PCDH15: variants seen among roughly 807,000 people sequenced by gnomAD.
The protein encoded by PCDH15 is protocadherin related 15.
A neutral mutation model predicts 178.5 loss-of-function variants in PCDH15; 129 were observed. The ratio of observed to expected loss-of-function variants is 0.72; its 90% confidence interval spans 0.63 to 0.84. The LOEUF (loss-of-function observed/expected upper bound fraction) is 0.84. Among genes scored for constraint, PCDH15 ranks in the 40% least tolerant of loss-of-function variants. The pLI is 0.00. For missense variants in PCDH15, 2,230 were observed against 2,099.9 expected (o/e 1.06, Z -1.21); for synonymous variants, 800 against 732.0 (o/e 1.09, Z -1.50).
intron 2 of PCDH15, among the ~76,000 whole-genome samples, chr10:55,374,419 C>A (rs1845574696): frequency 6.6e-6 from 1 of 152,052 alleles, no homozygotes; most frequent in Admixed American, 6.6e-5. Flanking sequence ...CAGTGCTTGA[C>A]TGAATTATGT....
intron 2 of PCDH15, among the ~76,000 whole-genome samples, chr10:55,089,080 G>A (rs1346274675): frequency 6.6e-6 from 1 of 152,090 alleles, no homozygotes; most frequent in African/African-American, 2.4e-5. Flanking sequence ...AAGAGGTTAA[G>A]AGCTTTGAAT....
At chr10:55,329,027 T>TG (rs1844122864) in intron 2 of PCDH15, among the ~76,000 whole-genome samples, 1 of 123,298 alleles carries the variant, frequency 8.1e-6, no homozygotes, top group African/African-American at 3.2e-5. Context: ...GTGTGTGTGT[T>TG]TGTGTGTGTG....
At chr10:54,966,188 AT>A (rs869073594) in intron 2 of PCDH15, among the ~76,000 whole-genome samples, 2 of 152,022 alleles carry the variant, frequency 1.3e-5, no homozygotes, top group Non-Finnish European at 2.9e-5. Context: ...TTACTAAGTA[AT>A]TTTTTTAAAA....
intron 2 of PCDH15, among the ~76,000 whole-genome samples, chr10:54,928,434 G>C (rs771639585): frequency 2.6e-5 from 4 of 152,040 alleles, no homozygotes; most frequent in Non-Finnish European, 4.4e-5. Flanking sequence ...GATCTTTTGT[G>C]AAGTATTTTA....
intron 3 of PCDH15, among the ~76,000 whole-genome samples, chr10:54,526,285 A>G (rs2083355134): frequency 6.6e-6 from 1 of 152,206 alleles, no homozygotes; most frequent in Non-Finnish European, 1.5e-5. Context: ...AAATTTGCTT[A>G]GGAAAACTAA....
At chr10:54,515,464 G>A (rs1434083655) in intron 3 of PCDH15, among the ~76,000 whole-genome samples, 1 of 152,196 alleles carries the variant, frequency 6.6e-6, no homozygotes, top group Admixed American at 6.5e-5. Context: ...TGTTTGATTA[G>A]GTAAACAAAG....
chr10:53,933,035 C>T (rs934392611), intron 25 of PCDH15, among the ~76,000 whole-genome samples: 14 of 152,000 alleles, frequency 9.2e-5, no homozygotes, highest in African/African-American at 2.4e-4. Context: ...ACTTCCACCA[C>T]GATTATAAGC....
chr10:54,334,966 A>T (rs1478450741), intron 6 of PCDH15, among the ~76,000 whole-genome samples: 1 of 151,872 alleles, frequency 6.6e-6, no homozygotes, highest in South Asian at 2.1e-4. Flanking sequence ...TCTGTGTTTT[A>T]GTTCCAATAA....
At chr10:53,970,268 A>G (rs2089530645) in intron 21 of PCDH15, among the ~76,000 whole-genome samples, 1 of 152,182 alleles carries the variant, frequency 6.6e-6, no homozygotes, top group African/African-American at 2.4e-5. Flanking sequence ...AAAGAAGGCC[A>G]TTACATAATG....
intron 3 of PCDH15, among the ~76,000 whole-genome samples, chr10:54,408,249 A>G (rs1040308950): frequency 2.0e-5 from 3 of 151,900 alleles, no homozygotes; most frequent in Non-Finnish European, 2.9e-5. Flanking sequence ...TTTGAAGGTG[A>G]CAATGTTATC....
rs530774053 is a variant in PCDH15, at chr10:55,542,581, A to T, written c.-156+85044T>A. On this transcript the variant is annotated intron_variant, in intron 2 of 5. Coordinates refer to the PCDH15 transcript ENST00000613346. ...TGTATATACACATATATACATATGTATGTGTCTATATAGGTACATACAGAC... is the reference window on the plus strand; with the variant it reads ...TGTATATACACATATATACATATGTTTGTGTCTATATAGGTACATACAGAC... Among the ~76,000 whole-genome samples the T allele has an allele frequency of 3.3e-5, 5 of 149,962 alleles. No homozygotes were observed. In the South Asian group the frequency reaches 6.3e-4, roughly 19 times the overall value.
chr10:54,296,181 G>A (rs58170582), intron 8 of PCDH15, among the ~76,000 whole-genome samples: 37,401 of 139,458 alleles, frequency 0.27, 6,218 homozygotes, highest in Middle Eastern at 0.39. Flanking sequence ...TGGTTGGCAC[G>A]GCCACTGGAA....
chr10:54,576,064 A>G (rs1324200160), intron 2 of PCDH15, among the ~76,000 whole-genome samples: 1 of 152,156 alleles, frequency 6.6e-6, no homozygotes, highest in African/African-American at 2.4e-5. Flanking sequence ...CAAACAAACA[A>G]ACAAGCTCTA....
chr10:55,536,032 C>T (rs1189723047), intron 2 of PCDH15, among the ~76,000 whole-genome samples: 1 of 152,004 alleles, frequency 6.6e-6, no homozygotes, highest in Non-Finnish European at 1.5e-5. Context: ...CTGAAAGCAA[C>T]TATGAGTTCA....
chr10:53,882,422 G>C (rs1279633003), intron 26 of PCDH15, among the ~76,000 whole-genome samples: 1 of 152,112 alleles, frequency 6.6e-6, no homozygotes, highest in African/African-American at 2.4e-5. Flanking sequence ...GACTCTGCTG[G>C]ACTTCGTCGC....
chr10:55,081,621 C>A (rs113528788), intron 2 of PCDH15, among the ~76,000 whole-genome samples: 1 of 152,102 alleles, frequency 6.6e-6, no homozygotes, highest in Non-Finnish European at 1.5e-5. Flanking sequence ...ATAAAGGATG[C>A]CTGAGAGAGC....
chr10:54,871,516 A>G (rs1166957750), intron 3 of PCDH15, among the ~76,000 whole-genome samples: 1 of 152,138 alleles, frequency 6.6e-6, no homozygotes, highest in African/African-American at 2.4e-5. Context: ...ATTTTAATAG[A>G]ACTCTAGTCT....
rs554729120 is a variant in PCDH15, at chr10:54,173,249, G to C, written c.1590+10195C>G. ...TTTGCCTTTCTTCATTAGTAGTCTA[G>C]TAATTACTTAAGGTCATAAACTATA... On this transcript the variant is annotated intron_variant, in intron 13 of 37. Coordinates refer to ENST00000644397, the MANE Select transcript of PCDH15 (RefSeq NM_001384140.1). Among the ~76,000 whole-genome samples the C allele has an allele frequency of 2.0e-5, 3 of 152,220 alleles. No individual in the cohort carries two copies. The East Asian group carries it at 5.8e-4, about 29-fold the overall frequency.
chr10:55,016,587 C>T (rs1840186655), intron 2 of PCDH15, among the ~76,000 whole-genome samples: 1 of 152,128 alleles, frequency 6.6e-6, no homozygotes, highest in African/African-American at 2.4e-5. Context: ...AGATCTCGTT[C>T]TTTCTTGTGG....
Sources: gnomAD v4.1 joint callset for allele counts (sites outside exome capture counted in the v4.1 genomes callset) on GRCh38, gnomAD v4.1.1 for gene constraint, MANE v1.5 for transcripts, NCBI Gene and HGNC (gene_info 2026-07-23, HGNC 2026-07-21) for gene names.